DYNC2H1: variants seen among roughly 807,000 people sequenced by gnomAD.
DYNC2H1 encodes the protein cytoplasmic dynein 2 heavy chain 1.
DYNC2H1 carries 410 observed loss-of-function variants against 570.0 expected under a neutral mutation model. That is an observed-to-expected ratio of 0.72 (90% CI 0.66 to 0.78). The LOEUF is 0.78. Ranked by LOEUF, DYNC2H1 falls within the 30% of genes least tolerant of loss-of-function variation. The probability of loss-of-function intolerance (pLI) is 0.00; values close to 1 mark genes in which losing one functional copy is unlikely to be tolerated. For synonymous variants in DYNC2H1, 1,688 were observed against 1,677.6 expected (o/e 1.01, Z -0.15); for missense variants, 4,865 against 5,046.4 (o/e 0.96, Z 1.09).
In DYNC2H1 at chr11:103,220,023, G is replaced by GT; in HGVS notation, c.8942dup (p.Gln2982ThrfsTer6). The GT allele has an allele frequency of 7.1e-7, 1 of 1,413,904 alleles. No individual in the cohort carries two copies. Among genetic ancestry groups the GT allele is most frequent in the Non-Finnish European group, 9.4e-7 (1 of 1,067,704 alleles). The allele number at this position is 1,413,904 out of a possible 1,614,324, so 87.6% of individuals were successfully genotyped here. The stretch of plus-strand genomic sequence containing the variant: ...TAAAATTGATGATGAATTAAAAGAA[G>GT]TACAAGTAAGTTAAAAAACATTCTA... On this transcript the variant is annotated frameshift_variant, in exon 56 of 89. Transcript: ENST00000375735. LOFTEE classifies it high-confidence loss of function.
intron 70 of DYNC2H1, among the ~76,000 whole-genome samples, chr11:103,278,378 T>G (rs1865993041): frequency 1.3e-5 from 2 of 152,196 alleles, no homozygotes; most frequent in Non-Finnish European, 2.9e-5. Flanking sequence ...TCAGATACAT[T>G]ATCTAATCTA....
chr11:103,163,936 G>A lies in DYNC2H1; in HGVS notation c.4611+789G>A, dbSNP rs1236949049. Among the ~76,000 whole-genome samples, 1 of 152,130 alleles carries A rather than the reference G, an allele frequency of 6.6e-6. No homozygotes were observed. The highest frequency in any genetic ancestry group is 2.4e-5 in the African/African-American group (1 of 41,428). On this transcript the variant is annotated intron_variant, in intron 30 of 88. Coordinates refer to ENST00000375735, the MANE Select transcript of DYNC2H1 (RefSeq NM_001377.3). This position sits in a 1 kb window ranked among gnomAD's most constrained non-coding sequence, Gnocchi z 4.6. ...GATTTTCTGTAAGTATGGAAGCTTGGAACAGTTTACATTCTGAACCATTTT... is the reference window on the plus strand; with the variant it reads ...GATTTTCTGTAAGTATGGAAGCTTGAAACAGTTTACATTCTGAACCATTTT...
At chr11:103,303,552 T>C (rs1019510027) in intron 76 of DYNC2H1, among the ~76,000 whole-genome samples, 1 of 151,870 alleles carries the variant, frequency 6.6e-6, no homozygotes, top group African/African-American at 2.4e-5. Context: ...CTAGGAGATA[T>C]GATGATAGAA....
At chr11:103,332,312 G>GAAAAAAAAAAAAAAA (rs71962098) in intron 82 of DYNC2H1, among the ~76,000 whole-genome samples, 1 of 122,542 alleles carries the variant, frequency 8.2e-6, no homozygotes, top group Non-Finnish European at 1.7e-5. Context: ...AAAAAACTGG[G>GAAAAAAAAAAAAAAA]AAAAAAAAAA....
At chr11:103,441,211 C>T in intron 85 of DYNC2H1, among the ~76,000 whole-genome samples, 1 of 152,072 alleles carries the variant, frequency 6.6e-6, no homozygotes, top group East Asian at 1.9e-4. Context: ...CTCTCATGGC[C>T]TTTACCCTTG....
chr11:103,427,968 TATAAAA>T (rs2135733350), intron 84 of DYNC2H1, among the ~76,000 whole-genome samples: 1 of 151,596 alleles, frequency 6.6e-6, no homozygotes, highest in African/African-American at 2.4e-5. Flanking sequence ...TATGAATATA[TATAAAA>T]ATAAAAAGCA....
chr11:103,335,856 A>G (rs1165887503), intron 82 of DYNC2H1, among the ~76,000 whole-genome samples: 1 of 152,158 alleles, frequency 6.6e-6, no homozygotes, highest in East Asian at 1.9e-4. Context: ...TCAGAATAAG[A>G]GAGGTTACTG....
At chr11:103,338,881 A>G (rs1347495042) in intron 82 of DYNC2H1, among the ~76,000 whole-genome samples, 1 of 152,086 alleles carries the variant, frequency 6.6e-6, no homozygotes, top group Non-Finnish European at 1.5e-5. Context: ...GCTTATGGAC[A>G]TTCATCATTG....
At position 103,188,536 on chromosome 11, in the gene DYNC2H1, T is replaced by G; in HGVS notation, c.7180T>G (p.Trp2394Gly). 6.2e-7 allele frequency: 1 copy of G among 1,607,988 alleles called. No homozygotes were observed. Among genetic ancestry groups the G allele is most frequent in the Non-Finnish European group, 8.5e-7 (1 of 1,176,278 alleles). ...AGGATTTTATGATGAAAATTTGGAA[T>G]GGGTTGGTCTAGAAAATATTCAAAT... ...YQGFYDENLE[W>G]VGLENIQIVA... Residue 2394 changes from tryptophan (W) to glycine (G), a missense_variant, in exon 44 of 89, where the codon TGG (tryptophan) becomes GGG (glycine). Trp to Gly is a radical substitution (Grantham distance 184). Around this residue, in one of 5 missense-constraint regions of DYNC2H1, gnomAD observed 2,401 missense variants for 2,454.6 expected, o/e 0.98. Transcript: ENST00000375735.
At chr11:103,250,257 G>C (rs115706166) in intron 65 of DYNC2H1, among the ~76,000 whole-genome samples, 3 of 151,586 alleles carry the variant, frequency 2.0e-5, no homozygotes, top group African/African-American at 4.8e-5. Flanking sequence ...CATTTTTCCT[G>C]ATATTGATAA....
rs1017815266 is a variant in DYNC2H1 at position 103,192,397 on chromosome 11, G to GTACAA, written c.7708+137_7708+138insATACA. On this transcript the variant is annotated intron_variant, in intron 47 of 88. Coordinates refer to ENST00000375735, the MANE Select transcript of DYNC2H1 (RefSeq NM_001377.3). ...AATTTTAATATTATTTTTCCGTAAG[G>GTACAA]TACAGCTCAGTCTTTTTTGCTGGAT... 2.7e-5 allele frequency: 16 copies of GTACAA among 588,210 alleles called. No individual in the cohort carries two copies. In the Admixed American group the frequency reaches 4.6e-4, roughly 17 times the overall value. 36.4% of individuals were successfully genotyped at this position (588,210 alleles called of 1,614,324 possible).
chr11:103,430,430 T>C (rs531815904), intron 84 of DYNC2H1, among the ~76,000 whole-genome samples: 2 of 152,288 alleles, frequency 1.3e-5, no homozygotes, highest in East Asian at 1.9e-4. Context: ...CTTCTTTTTC[T>C]CATTTTCACA....
intron 65 of DYNC2H1, among the ~76,000 whole-genome samples, chr11:103,247,884 T>C (rs1036637966): frequency 6.6e-6 from 1 of 152,018 alleles, no homozygotes; most frequent in Non-Finnish European, 1.5e-5. Flanking sequence ...TTTGTAGATA[T>C]CTGTAATTTG....
In DYNC2H1 at chr11:103,152,209, C is replaced by T. The variant is rs773537387; in HGVS notation, c.3020C>T (p.Thr1007Ile). Residue 1007 changes from threonine to isoleucine, a missense_variant, in exon 21 of 89, where the codon ACA becomes ATA. Thr to Ile is a moderately conservative substitution (Grantham distance 89, BLOSUM62 -1). Around this residue, in one of 5 missense-constraint regions of DYNC2H1, gnomAD observed 1,936 missense variants for 1,962.1 expected, o/e 0.99. Transcript: ENST00000375735. The stretch of plus-strand genomic sequence containing the variant: ...ACTGTGGCTGGTGGAGGTTTAGAAA[C>T]AATTAGTAATTTGAAAGCCAAGTGG... ...LRTVAGGGLE[T>I]ISNLKAKWDK... is the part of the protein sequence containing the mutation. 1.9e-6 allele frequency: 3 copies of T among 1,602,662 alleles called. No individual in the cohort carries two copies. The highest frequency in any genetic ancestry group is 1.7e-5 in the Admixed American group (1 of 58,802).
chr11:103,389,571 T>C (rs190694591), intron 83 of DYNC2H1, among the ~76,000 whole-genome samples: 3 of 152,210 alleles, frequency 2.0e-5, no homozygotes, highest in African/African-American at 7.2e-5. Context: ...GCTTCTCTAG[T>C]TTTTTAATTG....
chr11:103,399,728 A>G lies in DYNC2H1; in HGVS notation c.12222A>G (p.Ser4074=). Residue 4074 remains serine (S), a synonymous_variant, in exon 84 of 89, where the codon TCA becomes TCG. Coordinates refer to ENST00000375735, the MANE Select transcript of DYNC2H1 (RefSeq NM_001377.3). ...PNDRQGSPIL[S]FIILEQFNAI... ...ATCGACAAGGATCTCCAATACTGTCATTCATCATTCTTGAACAATTTAATG... is the reference window on the plus strand; with the variant it reads ...ATCGACAAGGATCTCCAATACTGTCGTTCATCATTCTTGAACAATTTAATG... 6.2e-7 allele frequency: 1 copy of G among 1,613,940 alleles called. No individual in the cohort carries two copies. Among genetic ancestry groups the G allele is most frequent in the Non-Finnish European group, 8.5e-7 (1 of 1,179,834 alleles).
intron 84 of DYNC2H1, among the ~76,000 whole-genome samples, chr11:103,430,302 G>T (rs1270308789): frequency 6.6e-6 from 1 of 152,034 alleles, no homozygotes; most frequent in Non-Finnish European, 1.5e-5. Flanking sequence ...ATTTGAAATG[G>T]TAATAATTAT....
At chr11:103,134,492 T>TCTCG in intron 15 of DYNC2H1, 73 bp downstream of exon 15, 1 of 1,193,156 alleles carries the variant, frequency 8.4e-7, no homozygotes, top group Non-Finnish European at 1.1e-6. Flanking sequence ...ATATATGAAT[T>TCTCG]GCCGAGAAGT....
chr11:103,371,927 G>GTTTTTTTTTTTTTTTTT (rs60335910), intron 83 of DYNC2H1, among the ~76,000 whole-genome samples: 2 of 67,896 alleles, frequency 2.9e-5, no homozygotes, highest in African/African-American at 6.6e-5. Flanking sequence ...TCCCATTTGG[G>GTTTTTTTTTTTTTTTTT]TTTTTTTTTT....
Sources: gnomAD v4.1 joint callset for allele counts (sites outside exome capture counted in the v4.1 genomes callset) on GRCh38, gnomAD v4.1.1 for gene constraint, gnomAD v4.1.1 regional missense constraint, Gnocchi (gnomAD v3.1) non-coding constraint, MANE v1.5 for transcripts, NCBI Gene and HGNC (gene_info 2026-07-23, HGNC 2026-07-21) for gene names.